PARD3: variants seen among roughly 807,000 people sequenced by gnomAD.
PARD3 encodes par-3 family cell polarity regulator.
In PARD3, 75 loss-of-function variants were observed where a neutral mutation model predicts 155.4. The observed-to-expected ratio is 0.48, with a 90% CI of 0.40 to 0.58. The LOEUF is 0.58. PARD3 is among the 20% of genes least tolerant of loss of function. The pLI, the probability that PARD3 is intolerant of heterozygous loss-of-function variation, is 0.00. For synonymous variants in PARD3, 576 were observed against 610.5 expected, an observed-to-expected ratio of 0.94 and a Z score of 0.83; for missense variants, 1,642 against 1,721.7, an observed-to-expected ratio of 0.95 and a Z score of 0.82.
At chr10:34,265,525 C>A (rs564493350) in intron 22 of PARD3, among the ~76,000 whole-genome samples, 1 of 152,272 alleles carries the variant, frequency 6.6e-6, no homozygotes, top group South Asian at 2.1e-4. Context: ...CCATGAAATC[C>A]AAAAATTTGA....
rs570681448 is a variant in PARD3, at chr10:34,435,404, T to G, written c.714+14913A>C. On this transcript the variant is annotated intron_variant, in intron 5 of 24. Coordinates refer to ENST00000374788, the MANE Select transcript of PARD3 (RefSeq NM_001184785.2). The stretch of plus-strand genomic sequence containing the variant: ...CAGCCAGGACTTCCAAATACTCATT[T>G]AAGCCAATAAATGATGGAACAATGA... Among the ~76,000 whole-genome samples, 3 of 152,332 alleles carry G rather than the reference T, an allele frequency of 2.0e-5. No homozygotes were observed. In the South Asian group the frequency reaches 6.2e-4, roughly 32 times the overall value.
chr10:34,112,860 C>T (rs944934235), intron 24 of PARD3, among the ~76,000 whole-genome samples: 5 of 152,178 alleles, frequency 3.3e-5, no homozygotes, highest in Admixed American at 6.5e-5. Flanking sequence ...CTGGCTATGA[C>T]GATGACTGGA....
chr10:34,513,842 A>G (rs1203575202), intron 3 of PARD3, among the ~76,000 whole-genome samples: 2 of 152,224 alleles, frequency 1.3e-5, no homozygotes, highest in Admixed American at 6.5e-5. Context: ...TAAGGTATGT[A>G]CCAGTGTCCT....
intron 3 of PARD3, among the ~76,000 whole-genome samples, chr10:34,498,503 A>G (rs1445796430): frequency 6.6e-6 from 1 of 152,182 alleles, no homozygotes; most frequent in Non-Finnish European, 1.5e-5. Flanking sequence ...CCCTGGGCAC[A>G]GTGTTGCTCA....
chr10:34,662,755 C>A (rs917106717), intron 2 of PARD3, among the ~76,000 whole-genome samples: 3 of 151,984 alleles, frequency 2.0e-5, no homozygotes, highest in Admixed American at 2.0e-4. Flanking sequence ...GCCTGTAATT[C>A]CAGCTACTCG....
intron 22 of PARD3, among the ~76,000 whole-genome samples, chr10:34,208,307 C>T (rs1951574158): frequency 6.6e-6 from 1 of 152,146 alleles, no homozygotes. Context: ...AGGATGGTGC[C>T]TAAGTGAAGA....
At chr10:34,538,049 A>C (rs1422874572) in intron 2 of PARD3, among the ~76,000 whole-genome samples, 1 of 152,256 alleles carries the variant, frequency 6.6e-6, no homozygotes, top group Non-Finnish European at 1.5e-5. Flanking sequence ...TAAGTGTAAT[A>C]AATGAACAAA....
chr10:34,384,966 T>C (rs192346932), intron 7 of PARD3, among the ~76,000 whole-genome samples: 94 of 152,236 alleles, frequency 6.2e-4, no homozygotes, highest in Non-Finnish European at 1.1e-3. Context: ...GAAAGAAAAG[T>C]GTGAATGACC....
intron 2 of PARD3, among the ~76,000 whole-genome samples, chr10:34,637,516 C>T (rs1051470287): frequency 6.6e-6 from 1 of 152,174 alleles, no homozygotes; most frequent in African/African-American, 2.4e-5. Context: ...TTTCCCGGAT[C>T]GTGCATTTGA....
intron 20 of PARD3, among the ~76,000 whole-genome samples, chr10:34,314,709 C>A (rs1025808694): frequency 2.0e-5 from 3 of 152,110 alleles, no homozygotes; most frequent in Non-Finnish European, 4.4e-5. Context: ...GCTGCACAGT[C>A]GTCATTATAT....
intron 2 of PARD3, among the ~76,000 whole-genome samples, chr10:34,682,646 C>T (rs1051371234): frequency 5.7e-4 from 87 of 152,218 alleles, no homozygotes; most frequent in Middle Eastern, 3.4e-3. Context: ...CATTTGAGCC[C>T]GGGTGTTGGA....
chr10:34,542,410 T>C (rs927489034), intron 2 of PARD3, among the ~76,000 whole-genome samples: 1 of 152,026 alleles, frequency 6.6e-6, no homozygotes, highest in African/African-American at 2.4e-5. Flanking sequence ...CTCTAAACAG[T>C]ATAGGTCAGG....
intron 1 of PARD3, among the ~76,000 whole-genome samples, chr10:34,753,969 A>T (rs111511118): frequency 2.7e-4 from 41 of 152,292 alleles, no homozygotes; most frequent in African/African-American, 9.1e-4. Flanking sequence ...CGTAGAAAAA[A>T]CAAAAATAGT....
chr10:34,545,396 G>GC (rs2083961562), intron 2 of PARD3, among the ~76,000 whole-genome samples: 1 of 152,108 alleles, frequency 6.6e-6, no homozygotes, highest in Non-Finnish European at 1.5e-5. Context: ...CACCAGCACT[G>GC]CCCCAAAGCA....
intron 1 of PARD3, among the ~76,000 whole-genome samples, chr10:34,787,799 G>A (rs1234361500): frequency 6.8e-6 from 1 of 147,842 alleles, no homozygotes; most frequent in East Asian, 2.0e-4. Flanking sequence ...TTACTTTTGA[G>A]ACAGGGTGTC....
intron 2 of PARD3, among the ~76,000 whole-genome samples, chr10:34,654,337 C>T (rs576733063): frequency 1.3e-5 from 2 of 152,126 alleles, no homozygotes; most frequent in Admixed American, 6.5e-5. Context: ...GCAATCGGTA[C>T]AATTGTTATC....
In PARD3 at chr10:34,548,294, G is replaced by A. The variant is rs1046324370; in HGVS notation, c.223-31135C>T. 6.6e-5 allele frequency among the ~76,000 whole-genome samples: 10 copies of A among 152,040 alleles called. No homozygotes were observed. In the East Asian group the frequency reaches 1.2e-3, roughly 18 times the overall value. On this transcript the variant is annotated intron_variant, in intron 2 of 24. Transcript: ENST00000374788. ...ACTTGAGGCCAGGAGTTAGAGACTAGCCTGGGCAATGTGGCAAAACCCTAA... is the reference window on the plus strand; with the variant it reads ...ACTTGAGGCCAGGAGTTAGAGACTAACCTGGGCAATGTGGCAAAACCCTAA...
intron 3 of PARD3, among the ~76,000 whole-genome samples, chr10:34,516,333 T>A (rs10827377): frequency 0.3 from 46,279 of 152,094 alleles, 7,425 homozygotes; most frequent in South Asian, 0.42. Context: ...ATTACAAGAT[T>A]ATACAACTAT....
At position 34,613,747 on chromosome 10, in the gene PARD3, G is replaced by A. The variant is rs369869400; in HGVS notation, c.222+82571C>T. Among the ~76,000 whole-genome samples, 8 of 152,232 alleles carry A rather than the reference G, an allele frequency of 5.3e-5. No individual in the cohort carries two copies. The South Asian group carries it at 6.2e-4, about 12-fold the overall frequency. ...AAAAGGTTTAAAACATAGTTTTCTC[G>A]TCCACATTCTCCGGAGATCAGCTTC... is the stretch of plus-strand genomic sequence containing the variant. On this transcript the variant is annotated intron_variant, in intron 2 of 24. Transcript: ENST00000374788.
Sources: gnomAD v4.1 joint callset for allele counts (sites outside exome capture counted in the v4.1 genomes callset) on GRCh38, gnomAD v4.1.1 for gene constraint, MANE v1.5 for transcripts, NCBI Gene and HGNC (gene_info 2026-07-23, HGNC 2026-07-21) for gene names.